Variants in FSTL4 observed in about 807,000 individuals in gnomAD.
FSTL4 encodes follistatin-related protein 4.
A neutral mutation model predicts 78.2 loss-of-function variants in FSTL4; 28 were observed. The observed-to-expected ratio is 0.36, with a 90% CI of 0.27 to 0.49. FSTL4 has a LOEUF of 0.49. Ranked by LOEUF, FSTL4 falls within the 20% of genes least tolerant of loss-of-function variation. FSTL4 has a pLI of 0.98. For synonymous variants in FSTL4, 422 were observed against 440.5 expected (o/e 0.96, Z 0.53); for missense variants, 922 against 1,084.9 (o/e 0.85, Z 2.11).
rs547713696 is a variant in FSTL4, at chr5:133,569,199, T to A, written c.127-1980A>T. ...TGGGGTTTCCATTTGAGTATTTATG[T>A]AATTTGCAAACAGCAATTATCTTAT... On this transcript the variant is annotated intron_variant, in intron 2 of 15. Transcript: ENST00000265342. 3.8e-4 allele frequency among the ~76,000 whole-genome samples: 58 copies of A among 152,360 alleles called. No individual in the cohort carries two copies. The South Asian group carries it at 0.012, about 32-fold the overall frequency.
At chr5:133,364,174 A>G (rs890160241) in intron 4 of FSTL4, among the ~76,000 whole-genome samples, 5 of 152,158 alleles carry the variant, frequency 3.3e-5, no homozygotes, top group African/African-American at 4.8e-5. Context: ...TGGGGTCAAC[A>G]GTTTCCAACA....
chr5:133,453,355 C>T (rs1003267100), intron 3 of FSTL4, among the ~76,000 whole-genome samples: 1 of 152,124 alleles, frequency 6.6e-6, no homozygotes, highest in African/African-American at 2.4e-5. Context: ...ATAGCTTTTC[C>T]AAGATCTTGT....
At chr5:133,728,261 T>G in the FSTL4 span, among the ~76,000 whole-genome samples, 1 of 152,204 alleles carries the variant, frequency 6.6e-6, no homozygotes, top group South Asian at 2.1e-4. Context: ...CATAGCCAAA[T>G]GGTCCCCAAT....
intron 3 of FSTL4, among the ~76,000 whole-genome samples, chr5:133,424,365 A>G (rs186931671): frequency 2.6e-5 from 4 of 152,316 alleles, no homozygotes; most frequent in Admixed American, 6.5e-5. Context: ...TGGGAAGTTT[A>G]CAGAGCACTT....
intron 4 of FSTL4, 93 bp downstream of exon 4, chr5:133,400,645 A>T: frequency 1.8e-6 from 2 of 1,135,592 alleles, no homozygotes; most frequent in Non-Finnish European, 2.6e-6. Context: ...AACATATGTA[A>T]CTTGTAGACT....
rs142839777 is a variant in FSTL4 at position 133,357,875 on chromosome 5, G to A, written c.410-41223C>T. On this transcript the variant is annotated intron_variant, in intron 4 of 15. Coordinates refer to ENST00000265342, the MANE Select transcript of FSTL4 (RefSeq NM_015082.2). ...CTGGGGCCTTCCAGAGGCCTCTGCCGCCCCCAGCTTCTCAGCCCACTCCTG... is the reference window on the plus strand; with the variant it reads ...CTGGGGCCTTCCAGAGGCCTCTGCCACCCCCAGCTTCTCAGCCCACTCCTG... Among the ~76,000 whole-genome samples, 695 of 152,276 alleles carry A rather than the reference G, an allele frequency of 4.6e-3. 2 individuals are homozygous for A. Among genetic ancestry groups the A allele is most frequent in the African/African-American group, 0.016 (659 of 41,560 alleles).
chr5:133,820,125 A>G, the FSTL4 span, among the ~76,000 whole-genome samples: 1 of 152,186 alleles, frequency 6.6e-6, no homozygotes, highest in Non-Finnish European at 1.5e-5. Flanking sequence ...TTGCAGTCGC[A>G]GAGGCCTGTG....
the FSTL4 span, among the ~76,000 whole-genome samples, chr5:133,652,522 A>T: frequency 6.6e-6 from 1 of 151,904 alleles, no homozygotes; most frequent in Admixed American, 6.6e-5. Context: ...TGTTATTTAG[A>T]AATGTGTTGC....
chr5:133,327,638 C>T (rs1754246249), intron 4 of FSTL4, among the ~76,000 whole-genome samples: 1 of 152,228 alleles, frequency 6.6e-6, no homozygotes. Flanking sequence ...CATGGATGTG[C>T]TGGTTCCTCT....
At chr5:133,693,814 G>A in the FSTL4 span, among the ~76,000 whole-genome samples, 1 of 152,158 alleles carries the variant, frequency 6.6e-6, no homozygotes, top group African/African-American at 2.4e-5. Context: ...GATGTCCAAG[G>A]GCAGAAGGAG....
intron 3 of FSTL4, among the ~76,000 whole-genome samples, chr5:133,559,087 A>G (rs185494769): frequency 1.4e-4 from 22 of 152,350 alleles, no homozygotes; most frequent in Admixed American, 1.3e-4. Context: ...ATTTTGATGA[A>G]AAGAATAGAA....
intron 4 of FSTL4, among the ~76,000 whole-genome samples, chr5:133,354,452 T>C (rs17628071): frequency 0.015 from 2,352 of 152,288 alleles, 22 homozygotes; most frequent in Non-Finnish European, 0.025. Context: ...TGAGTGTGCA[T>C]TGAAGTTTTG....
At chr5:133,251,386 C>G (rs1187347683) in intron 6 of FSTL4, among the ~76,000 whole-genome samples, 3 of 152,228 alleles carry the variant, frequency 2.0e-5, no homozygotes, top group Non-Finnish European at 1.5e-5. Flanking sequence ...CCGCATGTGT[C>G]TGGGCAGAGA....
chr5:133,559,243 T>A (rs1759863249), intron 3 of FSTL4, among the ~76,000 whole-genome samples: 1 of 152,250 alleles, frequency 6.6e-6, no homozygotes. Context: ...CACATTAATA[T>A]GCTGGGGCAA....
chr5:133,664,374 G>C, the FSTL4 span, among the ~76,000 whole-genome samples: 1 of 152,002 alleles, frequency 6.6e-6, no homozygotes, highest in African/African-American at 2.4e-5. Flanking sequence ...GTGGTTTATA[G>C]TGTCCCAAAA....
intron 4 of FSTL4, among the ~76,000 whole-genome samples, chr5:133,322,225 C>CCA (rs10660064): frequency 9.3e-5 from 13 of 140,398 alleles, no homozygotes; most frequent in African/African-American, 3.1e-4. Context: ...ACACACACAC[C>CCA]CACACACACA....
At chr5:133,224,455 T>G (rs1189020617) in intron 10 of FSTL4, 1 of 404,956 alleles carries the variant, frequency 2.5e-6, no homozygotes, top group Non-Finnish European at 4.4e-6. Context: ...TTTGAAATCA[T>G]GCCCTAGGAC....
intron 11 of FSTL4, among the ~76,000 whole-genome samples, chr5:133,221,747 C>A (rs77055615): frequency 0.03 from 4,519 of 152,046 alleles, 230 homozygotes; most frequent in African/African-American, 0.1. Context: ...GTGCTCCTTC[C>A]CTCTCCCTGT....
intron 3 of FSTL4, among the ~76,000 whole-genome samples, chr5:133,449,802 T>C (rs932217555): frequency 2.0e-5 from 3 of 152,258 alleles, no homozygotes; most frequent in African/African-American, 7.2e-5. Flanking sequence ...TGCGGGTCTT[T>C]TAAGTATTGG....
Sources: gnomAD v4.1 joint callset for allele counts (sites outside exome capture counted in the v4.1 genomes callset) on GRCh38, gnomAD v4.1.1 for gene constraint, MANE v1.5 for transcripts, NCBI Gene and HGNC (gene_info 2026-07-23, HGNC 2026-07-21) for gene names.